THOC2: variants seen among roughly 807,000 people sequenced by gnomAD.
THOC2 encodes the protein THO complex subunit 2, also known as THO complex 2.
Under a neutral mutation model 128.4 loss-of-function variants are expected in THOC2, and 10 were observed. The observed-to-expected ratio is 0.08, with a 90% CI of 0.05 to 0.13. The LOEUF is 0.13. Ranked by LOEUF, THOC2 falls within the 10% of genes least tolerant of loss-of-function variation. The pLI, the probability that THOC2 is intolerant of heterozygous loss-of-function variation, is 1.00. For missense variants in THOC2, 535 were observed against 1,155.7 expected (o/e 0.46, Z 7.79); for synonymous variants, 393 against 396.9 (o/e 0.99, Z 0.12).
intron 26 of THOC2, 123 bp from the exon 27 acceptor site, chrX:123,624,314 A>G (rs2147601301): frequency 1.3e-6 from 1 of 743,994 alleles, no homozygotes; most frequent in South Asian, 3.5e-5. Flanking sequence ...TTGGATAGGT[A>G]GTCACAAAAA....
intron 9 of THOC2, among the ~76,000 whole-genome samples, chrX:123,670,523 G>A (rs773265985): frequency 2.1e-3 from 234 of 112,818 alleles, no homozygotes; most frequent in African/African-American, 7.0e-3. Context: ...GGAGGCTGAG[G>A]CAGGAGAATC....
chrX:123,659,694 C>T (rs1347210067), intron 12 of THOC2, among the ~76,000 whole-genome samples: 3 of 112,526 alleles, frequency 2.7e-5, no homozygotes, highest in African/African-American at 9.7e-5. Flanking sequence ...CATATATACA[C>T]ATAATCAGAG....
intron 12 of THOC2, among the ~76,000 whole-genome samples, chrX:123,655,744 C>T (rs1445671959): frequency 9.0e-6 from 1 of 111,064 alleles, no homozygotes; most frequent in African/African-American, 3.3e-5. Flanking sequence ...TCAGGTTTTA[C>T]TAAGCTTTAT....
At chrX:123,661,266 G>A (rs993484040) in intron 12 of THOC2, among the ~76,000 whole-genome samples, 2 of 111,262 alleles carry the variant, frequency 1.8e-5, no homozygotes, top group South Asian at 3.8e-4. Context: ...TCAGTTGGGC[G>A]TGGTGGCGGG....
At chrX:123,642,328 G>A (rs1376359211) in intron 15 of THOC2, among the ~76,000 whole-genome samples, 1 of 109,212 alleles carries the variant, frequency 9.2e-6, no homozygotes, top group Non-Finnish European at 1.9e-5. Flanking sequence ...GGGAGGCTGA[G>A]GCAGGATAAT....
intron 1 of THOC2, among the ~76,000 whole-genome samples, chrX:123,717,412 AAAAT>A (rs1459990337): frequency 8.1e-5 from 9 of 111,134 alleles, no homozygotes; most frequent in Non-Finnish European, 1.3e-4. Context: ...CAAAAAGAGA[AAAAT>A]AAAAATAAAA....
chrX:123,607,753 T>C (rs2046532309), intron 38 of THOC2, among the ~76,000 whole-genome samples: 1 of 110,707 alleles, frequency 9.0e-6, no homozygotes, highest in Non-Finnish European at 1.9e-5. Flanking sequence ...CTTTCAATCA[T>C]GGAAATATGA....
chrX:123,611,204 A>C (rs940278021), intron 37 of THOC2, among the ~76,000 whole-genome samples: 3 of 111,416 alleles, frequency 2.7e-5, no homozygotes, highest in Non-Finnish European at 5.6e-5. Flanking sequence ...GAAAGACTAT[A>C]AATCCCTTAG....
intron 38 of THOC2, chrX:123,603,524 TA>T: frequency 2.4e-6 from 2 of 822,721 alleles, no homozygotes; most frequent in Non-Finnish European, 3.6e-6. Context: ...GACCTTGCTG[TA>T]AGAAACTGCC....
intron 1 of THOC2, among the ~76,000 whole-genome samples, chrX:123,730,937 C>G (rs1309927484): frequency 8.9e-6 from 1 of 111,950 alleles, no homozygotes; most frequent in Non-Finnish European, 1.9e-5. Context: ...GAGCGAGACT[C>G]CGTCTCAAGG....
chrX:123,732,305 C>T (rs1236155215), intron 1 of THOC2, among the ~76,000 whole-genome samples: 1 of 112,552 alleles, frequency 8.9e-6, no homozygotes, highest in Non-Finnish European at 1.9e-5. Context: ...AAAGAAATGT[C>T]GGTGGTTCTT....
chrX:123,607,986 T>C (rs1363976110), intron 38 of THOC2, among the ~76,000 whole-genome samples: 1 of 110,837 alleles, frequency 9.0e-6, no homozygotes, highest in Non-Finnish European at 1.9e-5. Context: ...TGGCAGCTCA[T>C]GCCTACAATC....
chrX:123,692,482 G>A (rs5911687), intron 7 of THOC2, among the ~76,000 whole-genome samples: 16,060 of 102,306 alleles, frequency 0.16, 1,364 homozygotes, highest in Non-Finnish European at 0.24. Flanking sequence ...TCTTTTAGGA[G>A]CAAATAACTG....
chrX:123,619,436 C>T lies in THOC2; in HGVS notation c.4276G>A (p.Asp1426Asn). The stretch of plus-strand genomic sequence containing the variant: ...GATTCCTTGAGTTCGATGAGACTGT[C>T]CTGTAGAAAATGAATGGAGATGACA... ...PSPSHSSTVK[D>N]SLIELKESSA... is the part of the protein sequence containing the mutation. The change falls in exon 33 of 39, where the codon GAC (aspartate) becomes AAC (asparagine). Residue 1426 changes from aspartate (D) to asparagine (N), a missense_variant and splice_region_variant. Physicochemically the swap from Asp to Asn is conservative, Grantham distance 23 (BLOSUM62 1). Coordinates refer to ENST00000245838, the MANE Select transcript of THOC2 (RefSeq NM_001081550.2). The T allele has an allele frequency of 8.3e-7, 1 of 1,206,766 alleles. No homozygotes were observed.
intron 22 of THOC2, among the ~76,000 whole-genome samples, chrX:123,629,114 C>T (rs2147623096): frequency 9.4e-6 from 1 of 106,298 alleles, no homozygotes; most frequent in African/African-American, 3.4e-5. Context: ...ATATATTATA[C>T]ATATATATAC....
chrX:123,677,406 TTAAAA>T (rs1263478575), intron 8 of THOC2, among the ~76,000 whole-genome samples: 3 of 112,147 alleles, frequency 2.7e-5, no homozygotes, highest in African/African-American at 6.5e-5. Context: ...CTTCAATAAA[TTAAAA>T]TAAATTAAGC....
rs187206069 is a variant in THOC2, at chrX:123,646,532, C to T, written c.1387-1157G>A. Among the ~76,000 whole-genome samples the T allele has an allele frequency of 8.7e-3, 974 of 112,076 alleles. 4 individuals carry two copies. The highest frequency in any genetic ancestry group is 0.022 in the African/African-American group (688 of 30,852). ...TAAGGGTGTTTTGTGTATGCATACGCTTTCACACTTCAGTAATATAATGGA... is the reference window on the plus strand; with the variant it reads ...TAAGGGTGTTTTGTGTATGCATACGTTTTCACACTTCAGTAATATAATGGA... On this transcript the variant is annotated intron_variant, in intron 12 of 38. Coordinates refer to ENST00000245838, the MANE Select transcript of THOC2 (RefSeq NM_001081550.2).
intron 38 of THOC2, among the ~76,000 whole-genome samples, chrX:123,608,050 A>G (rs1329051279): frequency 1.8e-5 from 2 of 110,488 alleles, no homozygotes; most frequent in African/African-American, 6.6e-5. Context: ...GGAGTTTCAG[A>G]CCAGCCTGGG....
At chrX:123,669,323 C>CTT (rs771033880) in intron 9 of THOC2, among the ~76,000 whole-genome samples, 4 of 98,815 alleles carry the variant, frequency 4.0e-5, no homozygotes, top group African/African-American at 7.3e-5. Context: ...TTATTTTTTA[C>CTT]TTTTTTTTTT....
Sources: gnomAD v4.1 joint callset for allele counts (sites outside exome capture counted in the v4.1 genomes callset) on GRCh38, gnomAD v4.1.1 for gene constraint, MANE v1.5 for transcripts, NCBI Gene and HGNC (gene_info 2026-07-23, HGNC 2026-07-21) for gene names.